Variants in BMPR1B observed in about 807,000 individuals in gnomAD.
BMPR1B encodes the protein bone morphogenetic protein receptor type-1B.
BMPR1B carries 12 observed loss-of-function variants against 59.1 expected under a neutral mutation model. The observed-to-expected ratio is 0.20, with a 90% CI of 0.13 to 0.33. The LOEUF (loss-of-function observed/expected upper bound fraction) is 0.33, where lower values mean the gene tolerates loss of function less well. Ranked by LOEUF, BMPR1B falls within the 10% of genes least tolerant of loss-of-function variation. BMPR1B has a pLI of 1.00. For synonymous variants in BMPR1B, 237 were observed against 207.3 expected (o/e 1.14, Z -1.23); for missense variants, 550 against 610.9 (o/e 0.90, Z 1.05).
In BMPR1B at chr4:95,143,670, T is replaced by G. The variant is rs1265908427; in HGVS notation, c.1077-5078T>G. Among the ~76,000 whole-genome samples, 6 of 152,232 alleles carry G rather than the reference T, an allele frequency of 3.9e-5. 1 individual carries two copies. Among genetic ancestry groups the G allele is most frequent in the Admixed American group, 3.9e-4 (6 of 15,286 alleles). ...TCATTCAAGTGACTTTGGTCAGAAA[T>G]ATGAACTTGGTTTTCTGGCCTCTTT... On this transcript the variant is annotated intron_variant, in intron 10 of 12. Transcript: ENST00000515059.
chr4:94,922,229 C>T (rs1578805405), intron 2 of BMPR1B, among the ~76,000 whole-genome samples: 2 of 152,116 alleles, frequency 1.3e-5, no homozygotes. Context: ...CCTACCTTGG[C>T]CTCCCAAAAT....
intron 2 of BMPR1B, among the ~76,000 whole-genome samples, chr4:94,958,749 T>C (rs1730249842): frequency 6.6e-6 from 1 of 152,162 alleles, no homozygotes; most frequent in African/African-American, 2.4e-5. Context: ...TATTTCTTAT[T>C]ATGAGGATGC....
chr4:95,144,151 C>T (rs2149319949), intron 10 of BMPR1B, among the ~76,000 whole-genome samples: 1 of 152,164 alleles, frequency 6.6e-6, no homozygotes, highest in East Asian at 1.9e-4. Flanking sequence ...TTCATTTTAT[C>T]CTGTTCTATC....
intron 1 of BMPR1B, among the ~76,000 whole-genome samples, chr4:94,816,407 C>A (rs1724013011): frequency 1.3e-5 from 2 of 152,060 alleles, no homozygotes; most frequent in African/African-American, 4.8e-5. Context: ...ACCTCGTGAT[C>A]CCCCCTTGGG....
At chr4:94,804,033 C>T (rs1723511203) in intron 1 of BMPR1B, among the ~76,000 whole-genome samples, 1 of 152,044 alleles carries the variant, frequency 6.6e-6, no homozygotes, top group Non-Finnish European at 1.5e-5. Context: ...CACCCGCCAC[C>T]ACGCCCGGCT....
intron 1 of BMPR1B, among the ~76,000 whole-genome samples, chr4:94,813,908 C>A (rs997847123): frequency 6.6e-6 from 1 of 152,054 alleles, no homozygotes; most frequent in African/African-American, 2.4e-5. Flanking sequence ...GAAACAATAT[C>A]AAAGCAAGGG....
chr4:94,849,408 G>A (rs564918227), intron 1 of BMPR1B, among the ~76,000 whole-genome samples: 2 of 152,208 alleles, frequency 1.3e-5, no homozygotes, highest in South Asian at 2.1e-4. Context: ...AGGTCAAGGC[G>A]GGGAAACGAA....
chr4:94,852,342 A>T (rs1160264108), intron 1 of BMPR1B, among the ~76,000 whole-genome samples: 4 of 152,186 alleles, frequency 2.6e-5, no homozygotes, highest in Non-Finnish European at 5.9e-5. Context: ...AGGAAAAAAT[A>T]TATGTATACA....
chr4:95,028,790 C>T (rs901476464), intron 3 of BMPR1B, among the ~76,000 whole-genome samples: 1 of 151,750 alleles, frequency 6.6e-6, no homozygotes, highest in African/African-American at 2.4e-5. Flanking sequence ...TGCAGGAATT[C>T]TGTATATCAA....
chr4:94,903,675 A>G (rs1727917877), intron 2 of BMPR1B, among the ~76,000 whole-genome samples: 1 of 151,964 alleles, frequency 6.6e-6, no homozygotes, highest in South Asian at 2.1e-4. Context: ...TTGTATTTGG[A>G]CATAGTGTCT....
At chr4:94,845,725 T>C (rs982390084) in intron 1 of BMPR1B, among the ~76,000 whole-genome samples, 1 of 152,204 alleles carries the variant, frequency 6.6e-6, no homozygotes, top group Non-Finnish European at 1.5e-5. Flanking sequence ...AAGCTAAAGT[T>C]TTTATCTCTT....
chr4:94,881,814 C>A (rs978443729), intron 2 of BMPR1B, among the ~76,000 whole-genome samples: 1 of 152,072 alleles, frequency 6.6e-6, no homozygotes. Flanking sequence ...TAAAATAAGG[C>A]TATTGGTTTC....
intron 1 of BMPR1B, among the ~76,000 whole-genome samples, chr4:94,781,623 G>A (rs1173394485): frequency 6.6e-6 from 1 of 152,104 alleles, no homozygotes; most frequent in Non-Finnish European, 1.5e-5. Context: ...TCTTGGCCAG[G>A]CTGATCTCAA....
At chr4:94,769,422 C>T (rs1225525249) in intron 1 of BMPR1B, among the ~76,000 whole-genome samples, 2 of 152,094 alleles carry the variant, frequency 1.3e-5, no homozygotes, top group Non-Finnish European at 2.9e-5. Context: ...ACCAGCCTGA[C>T]CAACATGGTG....
At chr4:94,870,091 C>CTT (rs1487029907) in intron 1 of BMPR1B, among the ~76,000 whole-genome samples, 3 of 152,060 alleles carry the variant, frequency 2.0e-5, no homozygotes, top group Non-Finnish European at 4.4e-5. Flanking sequence ...TCTAAATGGC[C>CTT]TTTTAAAATT....
At chr4:95,029,750 A>G (rs1724690441) in intron 3 of BMPR1B, among the ~76,000 whole-genome samples, 2 of 152,014 alleles carry the variant, frequency 1.3e-5, no homozygotes, top group Non-Finnish European at 2.9e-5. Context: ...AAGTGTTCCT[A>G]TTTCTCCACA....
At chr4:94,782,563 C>T (rs1722628112) in intron 1 of BMPR1B, among the ~76,000 whole-genome samples, 1 of 152,118 alleles carries the variant, frequency 6.6e-6, no homozygotes, top group Admixed American at 6.5e-5. Context: ...ACCTTGGCCT[C>T]CCAAAGTGCT....
chr4:94,770,180 G>GGTTTTTTTTTTTTTTTTTTTTTTTTTT (rs771544268), intron 1 of BMPR1B, among the ~76,000 whole-genome samples: 6 of 106,250 alleles, frequency 5.6e-5, no homozygotes, highest in African/African-American at 1.7e-4. Context: ...CTTCGTTTCT[G>GGTTTTTTTTTTTTTTTTTTTTTTTTTT]TGTTTGTTTT....
At chr4:95,028,186 G>A (rs1724559026) in intron 3 of BMPR1B, among the ~76,000 whole-genome samples, 1 of 152,086 alleles carries the variant, frequency 6.6e-6, no homozygotes, top group African/African-American at 2.4e-5. Flanking sequence ...TGTATATAAT[G>A]CCAACACCTT....
Sources: allele counts gnomAD v4.1 joint callset (sites outside exome capture counted in the v4.1 genomes callset), GRCh38; gene constraint gnomAD v4.1.1; transcripts MANE v1.5; gene names NCBI Gene and HGNC (gene_info 2026-07-23, HGNC 2026-07-21).